The following TMEM131 variants were observed in gnomAD, a reference collection of about 807,000 sequenced individuals.
The protein encoded by TMEM131 is 2610524E03Rik.
TMEM131 carries 66 observed loss-of-function variants against 211.6 expected under a neutral mutation model. The observed-to-expected ratio is 0.31, with a 90% CI of 0.26 to 0.38. The LOEUF is 0.38. TMEM131 is among the 10% of genes least tolerant of loss of function. The pLI is 1.00. For synonymous variants in TMEM131, 844 were observed against 841.3 expected (o/e 1.00, Z -0.06); for missense variants, 2,036 against 2,299.3 (o/e 0.89, Z 2.34).
intron 1 of TMEM131, among the ~76,000 whole-genome samples, chr2:97,992,232 T>A (rs1680298899): frequency 6.6e-6 from 1 of 152,182 alleles, no homozygotes; most frequent in South Asian, 2.1e-4. Flanking sequence ...TAAATAACAC[T>A]CCTAGTCAAT....
chr2:97,848,052 CCA>C (rs1683530705), intron 5 of TMEM131, among the ~76,000 whole-genome samples: 1 of 151,976 alleles, frequency 6.6e-6, no homozygotes, highest in Non-Finnish European at 1.5e-5. Flanking sequence ...TAATATAAAG[CCA>C]CAGTTATCAA....
At chr2:97,875,292 C>T (rs908399554) in intron 4 of TMEM131, among the ~76,000 whole-genome samples, 7 of 151,982 alleles carry the variant, frequency 4.6e-5, no homozygotes, top group African/African-American at 1.7e-4. Context: ...CCCTATTGTC[C>T]GTATTAGACA....
At chr2:97,909,460 G>C (rs1431226605) in intron 2 of TMEM131, among the ~76,000 whole-genome samples, 2 of 152,110 alleles carry the variant, frequency 1.3e-5, no homozygotes, top group Non-Finnish European at 2.9e-5. Flanking sequence ...AGGTTTTAAA[G>C]ATAAGGAAGA....
intron 1 of TMEM131, among the ~76,000 whole-genome samples, chr2:97,989,927 T>A (rs762407369): frequency 5.3e-5 from 8 of 151,252 alleles, no homozygotes; most frequent in Non-Finnish European, 1.0e-4. Context: ...CCTTTGAACT[T>A]CTTCTGGAGC....
chr2:97,907,608 T>C (rs1215564325), intron 3 of TMEM131, among the ~76,000 whole-genome samples: 2 of 152,212 alleles, frequency 1.3e-5, no homozygotes, highest in African/African-American at 2.4e-5. Flanking sequence ...TCTGTTGCCA[T>C]AGCCACTTTG....
intron 2 of TMEM131, among the ~76,000 whole-genome samples, chr2:97,920,461 G>A (rs1676693690): frequency 6.6e-6 from 1 of 152,174 alleles, no homozygotes; most frequent in African/African-American, 2.4e-5. Flanking sequence ...AAAAGAAAAG[G>A]TAGAATGTGT....
At chr2:97,876,817 C>A (rs910298538) in intron 4 of TMEM131, among the ~76,000 whole-genome samples, 1 of 152,196 alleles carries the variant, frequency 6.6e-6, no homozygotes, top group Admixed American at 6.5e-5. Flanking sequence ...TGTCTCATCA[C>A]CCCTATTCAA....
intron 12 of TMEM131, among the ~76,000 whole-genome samples, 192 bp downstream of exon 12, chr2:97,818,421 C>T (rs1213519458): frequency 1.6e-5 from 2 of 124,626 alleles, no homozygotes; most frequent in Non-Finnish European, 3.1e-5. Flanking sequence ...GTGGTATTTT[C>T]TCTCATGAAT....
chr2:97,893,664 A>AT (rs1675479006), intron 3 of TMEM131, among the ~76,000 whole-genome samples: 1 of 152,012 alleles, frequency 6.6e-6, no homozygotes, highest in Admixed American at 6.5e-5. Context: ...TTTTTTAAAT[A>AT]TGTTTGTTGG....
intron 31 of TMEM131, among the ~76,000 whole-genome samples, chr2:97,777,364 G>A (rs1309443334): frequency 6.6e-6 from 1 of 152,264 alleles, no homozygotes; most frequent in East Asian, 1.9e-4. Flanking sequence ...CACCATTAAT[G>A]GGAGACTCGA....
At chr2:97,781,102 G>A (rs942028397) in intron 31 of TMEM131, among the ~76,000 whole-genome samples, 1 of 152,126 alleles carries the variant, frequency 6.6e-6, no homozygotes, top group African/African-American at 2.4e-5. Context: ...GCTCTTCTGC[G>A]ACATTCTCCC....
chr2:97,799,286 T>G (rs1037599527), intron 25 of TMEM131, among the ~76,000 whole-genome samples: 1 of 151,698 alleles, frequency 6.6e-6, no homozygotes, highest in Admixed American at 6.6e-5. Flanking sequence ...AAAAAAAAAG[T>G]CCTCGATTAT....
At chr2:97,984,287 A>G (rs774275638) in intron 1 of TMEM131, among the ~76,000 whole-genome samples, 11 of 151,690 alleles carry the variant, frequency 7.3e-5, no homozygotes, top group Admixed American at 3.3e-4. Context: ...CTACATTTTC[A>G]TTTTTTCATA....
intron 25 of TMEM131, among the ~76,000 whole-genome samples, chr2:97,798,970 T>C (rs1418119618): frequency 6.6e-6 from 1 of 152,198 alleles, no homozygotes; most frequent in African/African-American, 2.4e-5. Flanking sequence ...CTTTAAGATG[T>C]TGTGATGCCT....
intron 1 of TMEM131, among the ~76,000 whole-genome samples, chr2:97,967,069 G>T (rs1679092233): frequency 6.6e-6 from 1 of 152,112 alleles, no homozygotes; most frequent in African/African-American, 2.4e-5. Context: ...CTTAGATGGG[G>T]GCGGTGAGTC....
Position 97,766,369 on chromosome 2 carries a change from G to A in TMEM131, c.4574-106C>T, listed in dbSNP as rs1399092676. 3.1e-6 allele frequency: 5 copies of A among 1,596,424 alleles called. No individual in the cohort carries two copies. The African/African-American group carries it at 4.0e-5, about 13-fold the overall frequency. On this transcript the variant is annotated intron_variant, in intron 34 of 40. Transcript: ENST00000186436. ...AGGACAAGAACACAGCCTTAGCCTT[G>A]CATGACTAATAACTACTGACTGCTT...
chr2:97,839,959 TGAG>T lies in TMEM131; in HGVS notation c.723+1853_723+1855del, dbSNP rs750992425. Among the ~76,000 whole-genome samples the T allele has an allele frequency of 1.2e-3, 188 of 152,322 alleles. 1 individual carries two copies. The highest frequency in any genetic ancestry group is 2.2e-3 in the Non-Finnish European group (151 of 68,018). Reference sequence around the variant, plus strand: ...GTTTGAATTGTTAACATTTTTTTCCTGAGGAGAACATACTCATGTGTTTATGTT... The same window carrying T: ...GTTTGAATTGTTAACATTTTTTTCCTGAGAACATACTCATGTGTTTATGTT... On this transcript the variant is annotated intron_variant, in intron 7 of 40. Transcript: ENST00000186436.
chr2:97,859,496 AATT>A, intron 4 of TMEM131, 69 bp from the exon 5 acceptor site: 4 of 1,326,686 alleles, frequency 3.0e-6, no homozygotes, highest in Non-Finnish European at 4.0e-6. Context: ...GTTGTTAAAA[AATT>A]AATCAAAATT....
intron 11 of TMEM131, among the ~76,000 whole-genome samples, chr2:97,831,355 G>C (rs1682676716): frequency 1.3e-5 from 2 of 152,180 alleles, no homozygotes; most frequent in Admixed American, 6.5e-5. Flanking sequence ...GGGAACCCCA[G>C]TGGTCTGATT....
Sources: allele counts gnomAD v4.1 joint callset (sites outside exome capture counted in the v4.1 genomes callset), GRCh38; gene constraint gnomAD v4.1.1; transcripts MANE v1.5; gene names NCBI Gene and HGNC (gene_info 2026-07-23, HGNC 2026-07-21).